Variants in THSD7B observed in about 807,000 individuals in gnomAD.
THSD7B encodes thrombospondin type-1 domain-containing protein 7B.
THSD7B carries 138 observed loss-of-function variants against 213.6 expected under a neutral mutation model. The observed-to-expected ratio is 0.65, with a 90% CI of 0.56 to 0.74. The LOEUF (loss-of-function observed/expected upper bound fraction) is 0.74, where lower values mean the gene tolerates loss of function less well. THSD7B is among the 30% of genes least tolerant of loss of function. The pLI, the probability that THSD7B is intolerant of heterozygous loss-of-function variation, is 0.00. For missense variants in THSD7B, 1,931 were observed against 1,991.5 expected (o/e 0.97, Z 0.58); for synonymous variants, 742 against 687.0 (o/e 1.08, Z -1.25).
intron 15 of THSD7B, among the ~76,000 whole-genome samples, chr2:137,472,770 C>G (rs1009573306): frequency 6.6e-6 from 1 of 152,158 alleles, no homozygotes; most frequent in Admixed American, 6.5e-5. Flanking sequence ...AGTGTGGAAT[C>G]TAAAATCATA....
intron 2 of THSD7B, among the ~76,000 whole-genome samples, chr2:137,022,516 G>T (rs933024764): frequency 6.6e-6 from 1 of 151,756 alleles, no homozygotes; most frequent in East Asian, 1.9e-4. Context: ...TATACATTGG[G>T]TTTTGAAGAT....
At chr2:137,194,222 C>T (rs1680714939) in intron 7 of THSD7B, among the ~76,000 whole-genome samples, 1 of 152,156 alleles carries the variant, frequency 6.6e-6, no homozygotes, top group Admixed American at 6.5e-5. Context: ...CCTGTATTCC[C>T]ACCCTTTGGG....
intron 3 of THSD7B, among the ~76,000 whole-genome samples, chr2:137,089,215 CCCAT>C (rs1485380812): frequency 6.6e-6 from 1 of 151,032 alleles, no homozygotes; most frequent in Non-Finnish European, 1.5e-5. Context: ...AACCCAAATG[CCCAT>C]CCATCAATGA....
intron 12 of THSD7B, among the ~76,000 whole-genome samples, chr2:137,319,271 C>T (rs1684209238): frequency 6.6e-6 from 1 of 150,704 alleles, no homozygotes; most frequent in Non-Finnish European, 1.5e-5. Flanking sequence ...GGGTTATCTC[C>T]TTCACCATCC....
At chr2:137,175,433 A>G (rs1246702159) in intron 7 of THSD7B, among the ~76,000 whole-genome samples, 4 of 152,212 alleles carry the variant, frequency 2.6e-5, no homozygotes, top group South Asian at 4.1e-4. Flanking sequence ...AGAGTTCTGC[A>G]GTGTTGCCAA....
chr2:136,993,188 T>C (rs1294118466), intron 2 of THSD7B, among the ~76,000 whole-genome samples: 2 of 152,222 alleles, frequency 1.3e-5, no homozygotes, highest in East Asian at 3.8e-4. Context: ...TGGATGTATA[T>C]GAGAACAAAT....
intron 2 of THSD7B, among the ~76,000 whole-genome samples, chr2:136,895,558 T>A (rs374672643): frequency 1.4e-5 from 2 of 144,124 alleles, no homozygotes; most frequent in Non-Finnish European, 3.1e-5. Flanking sequence ...TCCATGCTAT[T>A]ACAATACTAG....
intron 17 of THSD7B, among the ~76,000 whole-genome samples, chr2:137,611,394 CAT>C (rs909115738): frequency 6.6e-6 from 1 of 152,030 alleles, no homozygotes; most frequent in African/African-American, 2.4e-5. Context: ...TGATTAAAAA[CAT>C]GTACTCACAA....
chr2:136,918,336 A>G (rs899062569), intron 2 of THSD7B, among the ~76,000 whole-genome samples: 2 of 146,504 alleles, frequency 1.4e-5, no homozygotes, highest in African/African-American at 2.6e-5. Context: ...TTTCATTTTT[A>G]TTTCTCCACT....
rs368953803 is a variant in THSD7B at position 137,315,381 on chromosome 2, G to A, written c.2500+39355G>A. Among the ~76,000 whole-genome samples the A allele has an allele frequency of 2.2e-4, 33 of 152,112 alleles. 2 individuals carry two copies. The highest frequency in any genetic ancestry group is 1.2e-3 in the East Asian group (6 of 5,150). On this transcript the variant is annotated intron_variant, in intron 12 of 27. Transcript: ENST00000409968. ...CTGCTTCGGCTCATGCACAGTGCGC[G>A]CACCCACTGACCTGCGCCCACTGTC...
At chr2:137,327,383 A>G (rs1402396499) in intron 12 of THSD7B, among the ~76,000 whole-genome samples, 2 of 152,196 alleles carry the variant, frequency 1.3e-5, no homozygotes, top group African/African-American at 2.4e-5. Flanking sequence ...TTTGTTTATA[A>G]TATGATATCA....
chr2:137,016,097 CA>C (rs1203542009), intron 2 of THSD7B, among the ~76,000 whole-genome samples: 5 of 152,136 alleles, frequency 3.3e-5, no homozygotes, highest in African/African-American at 7.2e-5. Context: ...AAATGCTTTA[CA>C]GGGGGAAATT....
chr2:137,224,971 G>C (rs889817055), intron 7 of THSD7B, among the ~76,000 whole-genome samples: 2 of 152,000 alleles, frequency 1.3e-5, no homozygotes, highest in African/African-American at 4.8e-5. Context: ...CTTATCTAAA[G>C]TATTTTCTTT....
intron 7 of THSD7B, among the ~76,000 whole-genome samples, chr2:137,208,736 G>T (rs1020298985): frequency 6.6e-6 from 1 of 151,970 alleles, no homozygotes; most frequent in Non-Finnish European, 1.5e-5. Context: ...TTGTCCTCAA[G>T]CACTGAGTCA....
intron 2 of THSD7B, among the ~76,000 whole-genome samples, chr2:136,961,341 C>A (rs1685215320): frequency 6.6e-6 from 1 of 151,138 alleles, no homozygotes; most frequent in Admixed American, 6.6e-5. Flanking sequence ...TTGCCTCAGC[C>A]TCCCGAGTAG....
chr2:137,125,386 G>A (rs1401584631), intron 5 of THSD7B, among the ~76,000 whole-genome samples: 1 of 152,178 alleles, frequency 6.6e-6, no homozygotes, highest in Non-Finnish European at 1.5e-5. Context: ...TCTTCACCAG[G>A]AGTAGCTTCC....
At chr2:136,993,068 T>A (rs1348993280) in intron 2 of THSD7B, among the ~76,000 whole-genome samples, 1 of 152,100 alleles carries the variant, frequency 6.6e-6, no homozygotes, top group Non-Finnish European at 1.5e-5. Context: ...ATGAGCAAAA[T>A]GAAGGGAAAC....
intron 12 of THSD7B, among the ~76,000 whole-genome samples, chr2:137,330,071 T>C (rs1020386664): frequency 1.3e-5 from 2 of 152,152 alleles, no homozygotes; most frequent in East Asian, 3.8e-4. Flanking sequence ...GCAGCTTCCA[T>C]GTAGTGTTGG....
intron 2 of THSD7B, among the ~76,000 whole-genome samples, chr2:137,029,270 G>A (rs1302282979): frequency 6.6e-6 from 1 of 151,662 alleles, no homozygotes; most frequent in Non-Finnish European, 1.5e-5. Context: ...GTAGAGACGG[G>A]GTTTTACCAT....
Sources: allele counts gnomAD v4.1 joint callset (sites outside exome capture counted in the v4.1 genomes callset), GRCh38; gene constraint gnomAD v4.1.1; transcripts MANE v1.5; gene names NCBI Gene and HGNC (gene_info 2026-07-23, HGNC 2026-07-21).